The following CNTNAP2 variants were observed in gnomAD, a reference collection of about 807,000 sequenced individuals.
CNTNAP2 encodes contactin associated protein 2, also known as contactin-associated protein-like 2.
A neutral mutation model predicts 155.2 loss-of-function variants in CNTNAP2; 98 were observed. The observed-to-expected ratio is 0.63, with a 90% CI of 0.54 to 0.75. CNTNAP2 has a LOEUF of 0.75. Among genes scored for constraint, CNTNAP2 ranks in the 30% least tolerant of loss-of-function variants. CNTNAP2 has a pLI of 0.00. For synonymous variants in CNTNAP2, 651 were observed against 631.2 expected (o/e 1.03, Z -0.47); for missense variants, 1,727 against 1,688.1 (o/e 1.02, Z -0.40).
intron 13 of CNTNAP2, among the ~76,000 whole-genome samples, chr7:147,880,041 A>G (rs1799492380): frequency 6.6e-6 from 1 of 152,226 alleles, no homozygotes; most frequent in Non-Finnish European, 1.5e-5. Context: ...TTCCTCTCCT[A>G]GACAGACTAA....
intron 1 of CNTNAP2, among the ~76,000 whole-genome samples, chr7:146,631,004 A>G (rs1013817579): frequency 1.3e-5 from 2 of 152,090 alleles, no homozygotes; most frequent in Non-Finnish European, 2.9e-5. Flanking sequence ...TACAGGTTCA[A>G]TGTTATTCCC....
chr7:147,589,284 C>A (rs987531414), intron 12 of CNTNAP2, among the ~76,000 whole-genome samples: 1 of 152,206 alleles, frequency 6.6e-6, no homozygotes, highest in Non-Finnish European at 1.5e-5. Context: ...TTTCCCCTAA[C>A]TGACCTTTGC....
chr7:148,001,634 G>A (rs370437081), intron 15 of CNTNAP2, among the ~76,000 whole-genome samples: 2 of 152,064 alleles, frequency 1.3e-5, no homozygotes, highest in Non-Finnish European at 2.9e-5. Context: ...TGAGAGTTAT[G>A]TATATTTGGA....
chr7:148,187,939 C>A (rs945198040), intron 18 of CNTNAP2, among the ~76,000 whole-genome samples: 5 of 152,036 alleles, frequency 3.3e-5, no homozygotes, highest in Non-Finnish European at 7.4e-5. Flanking sequence ...CCCAACTTCA[C>A]CCCCTACCCA....
intron 21 of CNTNAP2, among the ~76,000 whole-genome samples, chr7:148,345,809 T>A (rs938073821): frequency 1.5e-4 from 23 of 152,216 alleles, no homozygotes; most frequent in African/African-American, 5.5e-4. Context: ...AACATTCTTA[T>A]CTGTTCTAAA....
intron 8 of CNTNAP2, among the ~76,000 whole-genome samples, chr7:147,227,865 A>G (rs1803584808): frequency 6.6e-6 from 1 of 152,110 alleles, no homozygotes; most frequent in African/African-American, 2.4e-5. Context: ...TAGAGATGAT[A>G]TTTGAAGTTG....
intron 10 of CNTNAP2, among the ~76,000 whole-genome samples, chr7:147,471,944 C>T (rs935399559): frequency 8.6e-5 from 13 of 151,994 alleles, no homozygotes; most frequent in African/African-American, 2.9e-4. Context: ...AAGGGAAGAA[C>T]CAAAAAATAC....
At chr7:147,502,737 G>GTA (rs1241926280) in intron 11 of CNTNAP2, among the ~76,000 whole-genome samples, 63 of 92,186 alleles carry the variant, frequency 6.8e-4, no homozygotes, top group Non-Finnish European at 1.1e-3. Flanking sequence ...GTGTGTGTGT[G>GTA]TGTGTATATA....
chr7:147,082,267 C>T (rs1025063659), intron 4 of CNTNAP2, among the ~76,000 whole-genome samples: 1 of 152,106 alleles, frequency 6.6e-6, no homozygotes, highest in Non-Finnish European at 1.5e-5. Context: ...AGTTTAGGAC[C>T]AACATGCTCC....
intron 11 of CNTNAP2, among the ~76,000 whole-genome samples, chr7:147,511,439 T>C (rs1026860612): frequency 1.4e-5 from 2 of 144,572 alleles, no homozygotes; most frequent in Non-Finnish European, 3.0e-5. Context: ...ATGAAAAAGC[T>C]AATTATCCTT....
At chr7:146,834,950 A>G (rs1198281642) in intron 2 of CNTNAP2, among the ~76,000 whole-genome samples, 2 of 152,204 alleles carry the variant, frequency 1.3e-5, no homozygotes, top group Non-Finnish European at 2.9e-5. Context: ...TAGACCAAAG[A>G]GAAAAAGGGA....
intron 1 of CNTNAP2, among the ~76,000 whole-genome samples, chr7:146,134,746 T>C (rs1797771727): frequency 2.0e-5 from 3 of 151,884 alleles, no homozygotes; most frequent in Admixed American, 1.3e-4. Context: ...CAGCCTTGCA[T>C]CCCAGGGATG....
chr7:146,744,450 C>A (rs943544766), intron 1 of CNTNAP2, among the ~76,000 whole-genome samples: 1 of 152,150 alleles, frequency 6.6e-6, no homozygotes, highest in South Asian at 2.1e-4. Context: ...CTGGCTCACT[C>A]ACTTCTGCTT....
At chr7:147,652,819 TA>T in intron 13 of CNTNAP2, among the ~76,000 whole-genome samples, 1 of 152,172 alleles carries the variant, frequency 6.6e-6, no homozygotes, top group Non-Finnish European at 1.5e-5. Context: ...GGGGAATTTT[TA>T]ATTTCTTATA....
Position 147,450,863 on chromosome 7 carries a change from T to A in CNTNAP2, c.1671-35072T>A, listed in dbSNP as rs543368698. Reference sequence around the variant, plus strand: ...TTATAATTTTCTATGTATTTGTCTGTCACCTCCATTAAACTGGACATTAAT... The same window carrying A: ...TTATAATTTTCTATGTATTTGTCTGACACCTCCATTAAACTGGACATTAAT... On this transcript the variant is annotated intron_variant, in intron 10 of 23. Transcript: ENST00000361727. Among the ~76,000 whole-genome samples the A allele has an allele frequency of 1.2e-4, 18 of 152,338 alleles. 1 individual carries two copies. The highest frequency in any genetic ancestry group is 3.3e-4 in the Admixed American group (5 of 15,304).
Position 147,371,236 on chromosome 7 carries a change from T to A in CNTNAP2, c.1499-24373T>A, listed in dbSNP as rs555160748. ...CCATATATATCATACGGATTTGGAA[T>A]TAGCTGAGTGATCTACTTTTGTATA... On this transcript the variant is annotated intron_variant, in intron 9 of 23. Coordinates refer to ENST00000361727, the MANE Select transcript of CNTNAP2 (RefSeq NM_014141.6). 4.7e-4 allele frequency among the ~76,000 whole-genome samples: 71 copies of A among 152,262 alleles called. 1 individual carries two copies. Among genetic ancestry groups the A allele is most frequent in the South Asian group, 4.1e-3 (20 of 4,824 alleles).
chr7:146,498,660 A>G (rs1419653018), intron 1 of CNTNAP2, among the ~76,000 whole-genome samples: 13 of 146,200 alleles, frequency 8.9e-5, no homozygotes, highest in Admixed American at 8.8e-4. Flanking sequence ...AATAAAACAA[A>G]GTTGTATAGG....
At chr7:146,612,600 C>G (rs981886202) in intron 1 of CNTNAP2, among the ~76,000 whole-genome samples, 1 of 151,810 alleles carries the variant, frequency 6.6e-6, no homozygotes, top group Admixed American at 6.6e-5. Context: ...AAGAGACAGA[C>G]GTTGATTAGA....
At chr7:147,348,509 T>G (rs1795916450) in intron 9 of CNTNAP2, among the ~76,000 whole-genome samples, 1 of 151,940 alleles carries the variant, frequency 6.6e-6, no homozygotes, top group African/African-American at 2.4e-5. Flanking sequence ...TGCTCACAAG[T>G]ATGAAGAGAA....
Sources: gnomAD v4.1 joint callset for allele counts (sites outside exome capture counted in the v4.1 genomes callset) on GRCh38, gnomAD v4.1.1 for gene constraint, MANE v1.5 for transcripts, NCBI Gene and HGNC (gene_info 2026-07-23, HGNC 2026-07-21) for gene names.